PDE10A: variants seen among roughly 807,000 people sequenced by gnomAD.
The protein encoded by PDE10A is phosphodiesterase 10A.
In PDE10A, 39 loss-of-function variants were observed where a neutral mutation model predicts 97.7. The ratio of observed to expected loss-of-function variants is 0.40; its 90% CI spans 0.31 to 0.52. PDE10A has a LOEUF of 0.52. Ranked by LOEUF, PDE10A falls within the 20% of genes least tolerant of loss-of-function variation. The pLI is 0.56. For missense variants in PDE10A, 731 were observed against 1,047.8 expected, an observed-to-expected ratio of 0.70 and a Z score of 4.17; for synonymous variants, 371 against 376.8, an observed-to-expected ratio of 0.98 and a Z score of 0.18.
intron 1 of PDE10A, among the ~76,000 whole-genome samples, chr6:165,899,959 C>T (rs4709995): frequency 0.38 from 57,172 of 152,046 alleles, 11,464 homozygotes; most frequent in East Asian, 0.66. Context: ...CAGAGATCCA[C>T]TGGGGAGGGC....
chr6:165,554,141 CA>C (rs1471050505), intron 1 of PDE10A, among the ~76,000 whole-genome samples: 2 of 152,058 alleles, frequency 1.3e-5, no homozygotes, highest in Non-Finnish European at 2.9e-5. Flanking sequence ...CATAGGCAAC[CA>C]AAGTAAACAT....
chr6:165,951,022 A>G (rs1378470082), intron 1 of PDE10A, among the ~76,000 whole-genome samples: 2 of 152,216 alleles, frequency 1.3e-5, no homozygotes, highest in Non-Finnish European at 2.9e-5. Context: ...TGGTTCTTAC[A>G]TATTGTATCA....
chr6:165,560,718 G>A (rs1784477791), intron 1 of PDE10A, among the ~76,000 whole-genome samples: 1 of 152,180 alleles, frequency 6.6e-6, no homozygotes, highest in Non-Finnish European at 1.5e-5. Context: ...CAGTTGTCAA[G>A]TTGTAATCAA....
intron 17 of PDE10A, among the ~76,000 whole-genome samples, chr6:165,387,949 T>G (rs906341564): frequency 7.2e-5 from 11 of 152,194 alleles, no homozygotes; most frequent in African/African-American, 2.7e-4. Flanking sequence ...TTTAGCTAAC[T>G]TTTAAGATTT....
intron 1 of PDE10A, among the ~76,000 whole-genome samples, chr6:165,792,243 C>A (rs558547640): frequency 7.9e-5 from 12 of 152,324 alleles, no homozygotes. Context: ...CGGGTTTTCA[C>A]CCCTAAGATG....
chr6:165,368,098 C>A (rs982938093), intron 18 of PDE10A, among the ~76,000 whole-genome samples: 2 of 152,168 alleles, frequency 1.3e-5, no homozygotes, highest in Non-Finnish European at 1.5e-5. Context: ...CGGGTTCAAG[C>A]GATTTTCCTG....
intron 18 of PDE10A, among the ~76,000 whole-genome samples, chr6:165,351,085 T>C (rs1782663723): frequency 6.6e-6 from 1 of 152,212 alleles, no homozygotes; most frequent in African/African-American, 2.4e-5. Context: ...TTATTAAGTG[T>C]AAGGTATTTG....
chr6:165,676,499 G>A (rs570038881), intron 1 of PDE10A, among the ~76,000 whole-genome samples: 2 of 152,318 alleles, frequency 1.3e-5, no homozygotes, highest in African/African-American at 4.8e-5. Context: ...TGGAAAGGGC[G>A]TGGTCGGCTG....
chr6:165,385,839 A>T (rs1018632194), intron 17 of PDE10A, among the ~76,000 whole-genome samples: 5 of 152,192 alleles, frequency 3.3e-5, no homozygotes, highest in African/African-American at 9.6e-5. Flanking sequence ...GATTTGGTCA[A>T]TCGAACATAT....
At chr6:165,476,067 G>A (rs1056387408) in intron 3 of PDE10A, among the ~76,000 whole-genome samples, 1 of 150,754 alleles carries the variant, frequency 6.6e-6, no homozygotes, top group Non-Finnish European at 1.5e-5. Context: ...CAGACATAAG[G>A]ATAATCTATT....
intron 5 of PDE10A, among the ~76,000 whole-genome samples, chr6:165,444,210 T>C (rs1443934706): frequency 2.0e-5 from 3 of 152,200 alleles, no homozygotes; most frequent in African/African-American, 7.2e-5. Context: ...AACAAGTCTC[T>C]TGGAAGTTTC....
chr6:165,576,695 C>G (rs984087664), intron 1 of PDE10A, among the ~76,000 whole-genome samples: 2 of 152,170 alleles, frequency 1.3e-5, no homozygotes, highest in Non-Finnish European at 2.9e-5. Context: ...CTTAAATCAT[C>G]TAAACTAAAT....
Position 165,365,104 on chromosome 6 carries a change from AAGTT to A in PDE10A, c.2783+14086_2783+14089del, listed in dbSNP as rs555144862. On this transcript the variant is annotated intron_variant, in intron 18 of 21. Coordinates refer to ENST00000539869, the MANE Select transcript of PDE10A (RefSeq NM_001385079.1). ...AACAAATAAATGAAAAATTTTATAA[AAGTT>A]AGTTTTATTAAAAAGGAGTAATTAA... 6.9e-3 allele frequency among the ~76,000 whole-genome samples: 1,048 copies of A among 152,214 alleles called. 8 individuals are homozygous for A. The highest frequency in any genetic ancestry group is 0.024 in the African/African-American group (994 of 41,578).
At chr6:165,916,578 A>C (rs2128487388) in intron 1 of PDE10A, among the ~76,000 whole-genome samples, 1 of 152,394 alleles carries the variant, frequency 6.6e-6, no homozygotes, top group East Asian at 1.9e-4. Flanking sequence ...AGGAGCAAAG[A>C]AAATGGCACC....
intron 1 of PDE10A, among the ~76,000 whole-genome samples, chr6:165,601,187 T>C (rs59872680): frequency 0.031 from 4,729 of 152,292 alleles, 259 homozygotes; most frequent in African/African-American, 0.11. Context: ...TTCCTTTTGC[T>C]GCCACCATGT....
intron 1 of PDE10A, among the ~76,000 whole-genome samples, chr6:165,960,329 G>A (rs761819155): frequency 2.6e-5 from 4 of 152,278 alleles, no homozygotes; most frequent in Non-Finnish European, 4.4e-5. Flanking sequence ...AAGAACACCC[G>A]GTAAAGACGT....
At chr6:165,333,434 A>T (rs1374079309) in intron 21 of PDE10A, among the ~76,000 whole-genome samples, 1 of 152,140 alleles carries the variant, frequency 6.6e-6, no homozygotes, top group Non-Finnish European at 1.5e-5. Flanking sequence ...ACAGGGAAAG[A>T]GCCCTAGGGT....
chr6:165,458,385 A>G (rs1293755493), intron 3 of PDE10A, among the ~76,000 whole-genome samples: 2 of 152,148 alleles, frequency 1.3e-5, no homozygotes, highest in African/African-American at 4.8e-5. Flanking sequence ...GATTAGGGAC[A>G]GGACACTTCC....
intron 5 of PDE10A, among the ~76,000 whole-genome samples, chr6:165,442,572 C>T (rs560944735): frequency 3.7e-4 from 56 of 152,232 alleles, no homozygotes; most frequent in African/African-American, 1.3e-3. Context: ...TCAGACCTCA[C>T]GAGAACACAT....
Sources: allele counts gnomAD v4.1 joint callset (sites outside exome capture counted in the v4.1 genomes callset), GRCh38; gene constraint gnomAD v4.1.1; transcripts MANE v1.5; gene names NCBI Gene and HGNC (gene_info 2026-07-23, HGNC 2026-07-21).